The following NRP2 variants were observed in gnomAD, a reference collection of about 807,000 sequenced individuals.
The protein encoded by NRP2 is neuropilin-2.
In NRP2, 52 loss-of-function variants were observed where a neutral mutation model predicts 110.4. The observed-to-expected ratio is 0.47, with a 90% CI of 0.38 to 0.59. The LOEUF is 0.59. Ranked by LOEUF, NRP2 falls within the 20% of genes least tolerant of loss-of-function variation. The pLI, the probability that NRP2 is intolerant of heterozygous loss-of-function variation, is 0.00. For synonymous variants in NRP2, 508 were observed against 468.9 expected (o/e 1.08, Z -1.08); for missense variants, 1,049 against 1,203.0 (o/e 0.87, Z 1.89).
chr2:205,720,479 G>C (rs181896964), intron 3 of NRP2, among the ~76,000 whole-genome samples: 87 of 152,040 alleles, frequency 5.7e-4, no homozygotes, highest in Non-Finnish European at 9.4e-4. Context: ...CCACTCCCAG[G>C]GGGGTGGACA....
intron 1 of NRP2, among the ~76,000 whole-genome samples, chr2:205,690,089 G>A (rs1009885605): frequency 6.6e-6 from 1 of 152,180 alleles, no homozygotes; most frequent in African/African-American, 2.4e-5. Flanking sequence ...CAAATCCTGC[G>A]ATAACCAGTA....
Position 205,795,204 on chromosome 2 carries a change from G to T in NRP2, c.*146G>T, listed in dbSNP as rs538805991. 6 of 864,884 alleles carry T rather than the reference G, an allele frequency of 6.9e-6. No individual in the cohort carries two copies. Among genetic ancestry groups the T allele is most frequent in the Non-Finnish European group, 1.1e-5 (6 of 540,228 alleles). 53.6% of individuals were successfully genotyped at this position (864,884 alleles called of 1,614,324 possible). Reference sequence around the variant, plus strand: ...GAAGGTATGGACAGGACAGAAAAGCGAGTCGCAGGAGGAAGGGAGATGCAG... The same window carrying T: ...GAAGGTATGGACAGGACAGAAAAGCTAGTCGCAGGAGGAAGGGAGATGCAG... On this transcript the variant is annotated 3_prime_UTR_variant, in exon 17 of 17. Transcript: ENST00000357785.
intron 7 of NRP2, among the ~76,000 whole-genome samples, chr2:205,732,451 A>G (rs574324705): frequency 2.2e-4 from 34 of 152,326 alleles, no homozygotes; most frequent in African/African-American, 7.7e-4. Context: ...CGTGATGTCT[A>G]TTTTCAGATC....
intron 7 of NRP2, among the ~76,000 whole-genome samples, chr2:205,735,116 A>G (rs556866491): frequency 6.6e-6 from 1 of 152,276 alleles, no homozygotes; most frequent in East Asian, 1.9e-4. Context: ...CTTGGACAGA[A>G]TCTTCATCTT....
At chr2:205,749,168 A>G (rs1465752460) in intron 10 of NRP2, among the ~76,000 whole-genome samples, 1 of 152,142 alleles carries the variant, frequency 6.6e-6, no homozygotes, top group Non-Finnish European at 1.5e-5. Flanking sequence ...CAGGCATGTA[A>G]GATCCCAGCT....
At chr2:205,748,859 G>C (rs186884689) in intron 10 of NRP2, among the ~76,000 whole-genome samples, 5 of 152,334 alleles carry the variant, frequency 3.3e-5, no homozygotes, top group African/African-American at 1.2e-4. Flanking sequence ...GTTGCTGAAT[G>C]AATGACGGGC....
rs185586923 is a variant in NRP2 at position 205,774,465 on chromosome 2, G to C, written c.2425+7662G>C. Among the ~76,000 whole-genome samples, 753 of 152,260 alleles carry C rather than the reference G, an allele frequency of 4.9e-3. 4 individuals are homozygous for C. The highest frequency in any genetic ancestry group is 7.4e-3 in the Non-Finnish European group (501 of 68,016). ...GATTCTGGGGTCATTTCTACCCCAG[G>C]GGTTGTGGATGTGGCTGTCAAGGTG... On this transcript the variant is annotated intron_variant, in intron 15 of 16. Coordinates refer to ENST00000357785, the MANE Select transcript of NRP2 (RefSeq NM_003872.3).
rs554434202 is a variant in NRP2, at chr2:205,697,342, G to C, written c.74-202G>C. Among the ~76,000 whole-genome samples, 9 of 146,816 alleles carry C rather than the reference G, an allele frequency of 6.1e-5. No individual in the cohort carries two copies. In the South Asian group the frequency reaches 6.5e-4, roughly 11 times the overall value. ...TGTGTGTGTGTGTGTGTGTGTGTGT[G>C]TGTAGTTGGGTGGGTAGGGGGAGGG... is the stretch of plus-strand genomic sequence containing the variant. On this transcript the variant is annotated intron_variant, in intron 1 of 16. Transcript: ENST00000357785.
chr2:205,794,976 T>A lies in NRP2; in HGVS notation c.2699T>A (p.Leu900Gln). The change falls in exon 17 of 17, where the codon CTG (leucine) becomes CAG (glutamine). Residue 900 changes from leucine (L) to glutamine (Q), a missense_variant. Coordinates refer to ENST00000357785, the MANE Select transcript of NRP2 (RefSeq NM_003872.3). Reference sequence around the variant, plus strand: ...CTGAGCTCCCGAAGCTGCACCACACTGGAGAACTACAACTTCGAGCTCTAC... The same window carrying A: ...CTGAGCTCCCGAAGCTGCACCACACAGGAGAACTACAACTTCGAGCTCTAC... ...SGLSSRSCTT[L>Q]ENYNFELYDG... is the part of the protein sequence containing the mutation. 4 of 1,614,158 alleles carry A rather than the reference T, an allele frequency of 2.5e-6. No homozygotes were observed. Among genetic ancestry groups the A allele is most frequent in the Non-Finnish European group, 3.4e-6 (4 of 1,180,026 alleles).
At chr2:205,774,554 AGGT>A (rs2058070364) in intron 15 of NRP2, among the ~76,000 whole-genome samples, 1 of 152,218 alleles carries the variant, frequency 6.6e-6, no homozygotes, top group Non-Finnish European at 1.5e-5. Flanking sequence ...GTCACCCAAG[AGGT>A]GCCAATGAAC....
At chr2:205,783,466 T>C (rs968985301) in intron 15 of NRP2, among the ~76,000 whole-genome samples, 1 of 152,276 alleles carries the variant, frequency 6.6e-6, no homozygotes, top group African/African-American at 2.4e-5. Flanking sequence ...TGCAGTATTG[T>C]GCTGCAGACT....
In NRP2 at chr2:205,777,063, T is replaced by C. The variant is rs114820245; in HGVS notation, c.2425+10260T>C. 4.2e-3 allele frequency: 4,162 copies of C among 997,710 alleles called. 9 individuals are homozygous for C. The highest frequency in any genetic ancestry group is 4.8e-3 in the Non-Finnish European group (3,992 of 836,552). The allele number at this position is 997,710 out of a possible 1,614,324, so 61.8% of individuals were successfully genotyped here. On this transcript the variant is annotated intron_variant, in intron 15 of 16. Transcript: ENST00000357785. ...GAGAGGGCCCCTTTAACTCTTATGT[T>C]ACTTCTCCTGGGGTACATTTTACAA... is the stretch of plus-strand genomic sequence containing the variant.
chr2:205,791,525 T>C (rs1575688473), intron 15 of NRP2, among the ~76,000 whole-genome samples: 4 of 152,296 alleles, frequency 2.6e-5, no homozygotes, highest in African/African-American at 9.6e-5. Context: ...TCCCAAATTA[T>C]CATGAAAAAG....
chr2:205,767,636 A>G (rs990964907), intron 15 of NRP2: 1 of 269,642 alleles, frequency 3.7e-6, no homozygotes, highest in Admixed American at 5.1e-5. Context: ...TGCTGTTACA[A>G]TGCAGCAGAT....
chr2:205,776,618 G>A, intron 15 of NRP2: 1 of 1,596,006 alleles, frequency 6.3e-7, no homozygotes, highest in African/African-American at 1.3e-5. Context: ...CCTAGTTTCT[G>A]TGTGAACTCT....
chr2:205,750,278 G>A (rs1575626049), intron 11 of NRP2, among the ~76,000 whole-genome samples: 2 of 152,206 alleles, frequency 1.3e-5, no homozygotes, highest in South Asian at 2.1e-4. Context: ...GATGGAGCGC[G>A]ATAGTTGGGT....
intron 1 of NRP2, among the ~76,000 whole-genome samples, chr2:205,691,711 G>A (rs2056318866): frequency 1.3e-5 from 2 of 152,172 alleles, no homozygotes; most frequent in Admixed American, 1.3e-4. Flanking sequence ...GTCAGGAATT[G>A]TAATCCCAGA....
At chr2:205,706,339 G>A (rs1376167127) in intron 2 of NRP2, among the ~76,000 whole-genome samples, 1 of 152,142 alleles carries the variant, frequency 6.6e-6, no homozygotes, top group Non-Finnish European at 1.5e-5. Flanking sequence ...GGAAATGGTG[G>A]AACAAATAAT....
intron 15 of NRP2, among the ~76,000 whole-genome samples, chr2:205,788,674 G>A (rs2058263526): frequency 6.6e-6 from 1 of 152,140 alleles, no homozygotes; most frequent in Admixed American, 6.5e-5. Flanking sequence ...TTTCCTTCCT[G>A]ATAGTGGCCC....
Sources: gnomAD v4.1 joint callset for allele counts (sites outside exome capture counted in the v4.1 genomes callset) on GRCh38, gnomAD v4.1.1 for gene constraint, MANE v1.5 for transcripts, NCBI Gene and HGNC (gene_info 2026-07-23, HGNC 2026-07-21) for gene names.